The following GSPT1 variants were observed in gnomAD, a reference collection of about 807,000 sequenced individuals.
GSPT1 encodes G1 to S phase transition 1, also known as eukaryotic peptide chain release factor GTP-binding subunit ERF3A.
GSPT1 carries 20 observed loss-of-function variants against 72.5 expected under a neutral mutation model. The observed-to-expected ratio is 0.28, with a 90% CI of 0.19 to 0.40. The LOEUF (loss-of-function observed/expected upper bound fraction) is 0.40. GSPT1 is among the 10% of genes least tolerant of loss of function. The pLI, the probability that GSPT1 is intolerant of heterozygous loss-of-function variation, is 1.00. For missense variants in GSPT1, 580 were observed against 811.9 expected (o/e 0.71, Z 3.47); for synonymous variants, 334 against 293.5 (o/e 1.14, Z -1.41).
intron 5 of GSPT1, among the ~76,000 whole-genome samples, chr16:11,892,531 A>AAAAAAC (rs1567443313): frequency 2.1e-4 from 29 of 139,934 alleles, no homozygotes; most frequent in Non-Finnish European, 4.0e-4. Context: ...AACAAAAAAA[A>AAAAAAC]CAAAAAATAA....
intron 1 of GSPT1, among the ~76,000 whole-genome samples, chr16:11,911,335 G>A (rs77754836): frequency 0.011 from 1,655 of 152,262 alleles, 12 homozygotes; most frequent in Non-Finnish European, 0.016. Flanking sequence ...TCTGCCAAGT[G>A]GTGATGGTTG....
intron 1 of GSPT1, among the ~76,000 whole-genome samples, chr16:11,901,618 A>C (rs921203714): frequency 4.4e-5 from 5 of 112,882 alleles, no homozygotes; most frequent in Non-Finnish European, 8.9e-5. Flanking sequence ...TCCACACACA[A>C]AAATATATAT....
At chr16:11,895,802 T>C (rs898778210) in intron 4 of GSPT1, among the ~76,000 whole-genome samples, 4 of 152,178 alleles carry the variant, frequency 2.6e-5, no homozygotes, top group Non-Finnish European at 5.9e-5. Context: ...AATTTTTGTA[T>C]TTTTAGTAGA....
intron 1 of GSPT1, 109 bp from the exon 2 acceptor site, chr16:11,898,144 A>G: frequency 1.4e-6 from 1 of 708,318 alleles, no homozygotes. Context: ...ACAAGCCTCA[A>G]TCAATAACCC....
At chr16:11,906,467 CA>C (rs1013876028) in intron 1 of GSPT1, among the ~76,000 whole-genome samples, 2 of 150,446 alleles carry the variant, frequency 1.3e-5, no homozygotes, top group Admixed American at 6.6e-5. Context: ...TCTGTCTCTA[CA>C]AAAAAAAATG....
chr16:11,888,494 G>C (rs1346214844), intron 6 of GSPT1, among the ~76,000 whole-genome samples: 1 of 151,076 alleles, frequency 6.6e-6, no homozygotes, highest in Non-Finnish European at 1.5e-5. Flanking sequence ...AGGTGCAGTG[G>C]CTCATGCTTG....
chr16:11,907,519 C>T (rs1326021406), intron 1 of GSPT1, among the ~76,000 whole-genome samples: 2 of 152,166 alleles, frequency 1.3e-5, no homozygotes, highest in Admixed American at 1.3e-4. Flanking sequence ...ATTTCAAAAA[C>T]CTTTAAGAAT....
At chr16:11,889,189 T>C (rs1227055794) in intron 6 of GSPT1, among the ~76,000 whole-genome samples, 1 of 151,754 alleles carries the variant, frequency 6.6e-6, no homozygotes, top group African/African-American at 2.4e-5. Context: ...GTGCCTGTAG[T>C]CCCAGCTACT....
Position 11,915,924 on chromosome 16 carries a change from G to GCA in GSPT1, c.-205_-204insTG, listed in dbSNP as rs1555506606. Reference sequence around the variant, plus strand: ...CGACGACGACAGAGGCGGCGGCGGCGGCAGCTCAACCCTCCTCCTCGTGTG... The same window carrying GCA: ...CGACGACGACAGAGGCGGCGGCGGCGCAGCAGCTCAACCCTCCTCCTCGTGTG... On this transcript the variant is annotated 5_prime_UTR_variant, in exon 1 of 15. Coordinates refer to ENST00000434724, the MANE Select transcript of GSPT1 (RefSeq NM_002094.4). 2.9e-5 allele frequency: 23 copies of GCA among 782,796 alleles called. No individual in the cohort carries two copies. Among genetic ancestry groups the GCA allele is most frequent in the Non-Finnish European group, 4.7e-5 (21 of 442,676 alleles). 48.5% of individuals were successfully genotyped at this position (782,796 alleles called of 1,614,324 possible).
In GSPT1 at chr16:11,915,739, T is replaced by C. The variant is rs749632942; in HGVS notation, c.-19A>G. The C allele has an allele frequency of 2.6e-6, 4 of 1,526,406 alleles. No individual in the cohort carries two copies. The highest frequency in any genetic ancestry group is 2.6e-6 in the Non-Finnish European group (3 of 1,142,830). The allele number at this position is 1,526,406 out of a possible 1,614,324, so 94.6% of individuals were successfully genotyped here. A position where few individuals can be genotyped will look rare whatever the true frequency, so the allele number is the denominator to read the frequency against. On this transcript the variant is annotated 5_prime_UTR_variant, in exon 1 of 15. Transcript: ENST00000434724. ...GATCCATGATCGGGGGGGCCGTGTG[T>C]GTGGTGGACAGAGAGCGGGAAATGG... is the stretch of plus-strand genomic sequence containing the variant.
chr16:11,894,970 T>G lies in GSPT1; in HGVS notation c.682A>C (p.Ile228Leu). Residue 228 changes from isoleucine to leucine, a missense_variant, in exon 5 of 15, where the codon ATT (isoleucine) becomes CTT (leucine). By Grantham distance (5) the Ile-to-Leu change is conservative (BLOSUM62 2). Around this residue, in one of 6 missense-constraint regions of GSPT1, gnomAD observed 51 missense variants for 118.2 expected, o/e 0.43. Transcript: ENST00000434724. ...IGHVDAGKST[I>L]GGQIMYLTGM... ...CAGACTTACATTATTTGTCCTCCAA[T>G]GGTTGACTTGCCAGCATCTAAAAGT... 1 of 1,589,108 alleles carries G rather than the reference T, an allele frequency of 6.3e-7. No individual in the cohort carries two copies. Among genetic ancestry groups the G allele is most frequent in the Non-Finnish European group, 8.6e-7 (1 of 1,163,354 alleles).
intron 5 of GSPT1, among the ~76,000 whole-genome samples, chr16:11,893,154 G>T (rs1252573006): frequency 6.6e-6 from 1 of 152,048 alleles, no homozygotes; most frequent in East Asian, 1.9e-4. Context: ...CAGCTACTTG[G>T]GAGGCTGAGG....
chr16:11,886,013 T>G (rs2054182824), intron 9 of GSPT1, among the ~76,000 whole-genome samples: 1 of 152,142 alleles, frequency 6.6e-6, no homozygotes, highest in East Asian at 1.9e-4. Flanking sequence ...TTCAACAAAT[T>G]GTGTGTAAAC....
chr16:11,905,185 T>C (rs1466173320), intron 1 of GSPT1, among the ~76,000 whole-genome samples: 1 of 152,204 alleles, frequency 6.6e-6, no homozygotes, highest in East Asian at 1.9e-4. Context: ...TCACATTGCA[T>C]GAAAGTAAGA....
Position 11,885,236 on chromosome 16 carries a change from T to A in GSPT1, c.1292A>T (p.Asn431Ile). 3.1e-6 allele frequency: 5 copies of A among 1,594,716 alleles called. No individual in the cohort carries two copies. Among genetic ancestry groups the A allele is most frequent in the Non-Finnish European group, 3.4e-6 (4 of 1,162,492 alleles). ...TGGTCCATCAACTGATCTATTGAAG[T>A]TCGGCAAATTATCCAGATATGGAAT... ...PFIPYLDNLPNFNRSVDGPIR... is the reference protein window; with the variant it reads ...PFIPYLDNLPIFNRSVDGPIR... Residue 431 changes from asparagine to isoleucine, a missense_variant, in exon 10 of 15, where the codon AAC becomes ATC. Asn to Ile is a moderately radical substitution (Grantham distance 149). Transcript: ENST00000434724.
At chr16:11,888,786 C>T (rs1399153172) in intron 6 of GSPT1, among the ~76,000 whole-genome samples, 1 of 152,074 alleles carries the variant, frequency 6.6e-6, no homozygotes, top group Non-Finnish European at 1.5e-5. Context: ...TAAAATAAAA[C>T]TGAAAGAATG....
At chr16:11,887,451 T>C in intron 7 of GSPT1, 119 bp downstream of exon 7, 1 of 766,732 alleles carries the variant, frequency 1.3e-6, no homozygotes, top group Non-Finnish European at 2.2e-6. Context: ...ACTGTGACCG[T>C]GTACATCATT....
chr16:11,907,400 G>C (rs747494544), intron 1 of GSPT1, among the ~76,000 whole-genome samples: 1 of 152,130 alleles, frequency 6.6e-6, no homozygotes, highest in Admixed American at 6.6e-5. Flanking sequence ...CTGTAAAATG[G>C]GTCAACAGTA....
At chr16:11,895,982 T>C (rs550918805) in intron 4 of GSPT1, among the ~76,000 whole-genome samples, 2 of 152,214 alleles carry the variant, frequency 1.3e-5, no homozygotes, top group South Asian at 2.1e-4. Context: ...CAGTGTTTCA[T>C]ATCTGGGGGG....
Sources: allele counts gnomAD v4.1 joint callset (sites outside exome capture counted in the v4.1 genomes callset), GRCh38; gene constraint gnomAD v4.1.1; regional missense constraint gnomAD v4.1.1; transcripts MANE v1.5; gene names NCBI Gene and HGNC (gene_info 2026-07-23, HGNC 2026-07-21).